Variants in KIF19 observed in about 807,000 individuals in gnomAD.
KIF19 encodes kinesin family member 19.
A neutral mutation model predicts 106.6 loss-of-function variants in KIF19; 98 were observed. The ratio of observed to expected loss-of-function variants is 0.92; its 90% CI spans 0.78 to 1.09. The LOEUF (loss-of-function observed/expected upper bound fraction) is 1.09. Ranked by LOEUF, KIF19 falls within the 50% of genes least tolerant of loss-of-function variation. The probability of loss-of-function intolerance (pLI) is 0.00; values close to 1 mark genes in which losing one functional copy is unlikely to be tolerated. For missense variants in KIF19, 1,373 were observed against 1,414.3 expected (o/e 0.97, Z 0.47); for synonymous variants, 516 against 584.2 (o/e 0.88, Z 1.68).
chr17:74,327,145 G>C (rs753005891), intron 1 of KIF19, among the ~76,000 whole-genome samples: 8 of 152,134 alleles, frequency 5.3e-5, no homozygotes, highest in Non-Finnish European at 1.0e-4. Flanking sequence ...CCTAATTTTT[G>C]AGGTCTGGGG....
chr17:74,341,570 T>C (rs1040647559), intron 2 of KIF19, among the ~76,000 whole-genome samples: 3 of 152,038 alleles, frequency 2.0e-5, no homozygotes, highest in African/African-American at 7.2e-5. Flanking sequence ...CAGGAAGGTG[T>C]CCCCTTTGGG....
intron 3 of KIF19, 46 bp from the exon 4 acceptor site, chr17:74,342,584 G>A (rs1178816090): frequency 5.4e-6 from 8 of 1,483,890 alleles, no homozygotes; most frequent in African/African-American, 4.1e-5. Context: ...TGCCTGTGCT[G>A]TGCCCCGCCT....
Position 74,344,354 on chromosome 17 carries a change from T to C in KIF19, c.582+6T>C. ...CCACCATCAATGCCAAGGAGGCGAG[T>C]TTTGTGTGGCCAGCCTGGAGCCGCT... is the stretch of plus-strand genomic sequence containing the variant. On this transcript the variant is annotated splice_donor_region_variant and intron_variant, in intron 6 of 19. Transcript: ENST00000389916. The C allele has an allele frequency of 6.2e-7, 1 of 1,610,816 alleles. No individual in the cohort carries two copies. Among genetic ancestry groups the C allele is most frequent in the Non-Finnish European group, 8.5e-7 (1 of 1,179,164 alleles).
Position 74,353,534 on chromosome 17 carries a change from C to T in KIF19, c.2261C>T (p.Ser754Phe), listed in dbSNP as rs369142622. The part of the protein sequence containing the change: ...QDSLGSWINS[S>F]PDSSENLSEI... ...AGCCTGGGCAGCTGGATCAACTCTT[C>T]CCCTGACAGCAGTGAGAACCTGTCG... Residue 754 changes from serine to phenylalanine, a missense_variant, in exon 17 of 20, where the codon TCC becomes TTC. Ser to Phe is a radical substitution (Grantham distance 155). Around this residue, in one of 3 missense-constraint regions of KIF19, gnomAD observed 1,020 missense variants for 1,008.2 expected, o/e 1.01. Coordinates refer to ENST00000389916, the MANE Select transcript of KIF19 (RefSeq NM_153209.4). The T allele has an allele frequency of 6.2e-7, 1 of 1,613,792 alleles. No individual in the cohort carries two copies. The highest frequency in any genetic ancestry group is 1.3e-5 in the African/African-American group (1 of 74,948).
intron 2 of KIF19, among the ~76,000 whole-genome samples, chr17:74,333,684 G>A (rs2054149811): frequency 1.3e-5 from 2 of 152,014 alleles, no homozygotes; most frequent in East Asian, 1.9e-4. Context: ...ACTTCATTAA[G>A]TGATACAACT....
rs1162412762 is a variant in KIF19 at position 74,353,183 on chromosome 17, C to G, written c.2115-13C>G. On this transcript the variant is annotated splice_polypyrimidine_tract_variant and intron_variant, in intron 15 of 19. Coordinates refer to ENST00000389916, the MANE Select transcript of KIF19 (RefSeq NM_153209.4). ...CTGGTCTACAGCCACTCATCTTCCT[C>G]TGCCAACTTCAGTGAAGGCCACCAC... 3 of 1,572,198 alleles carry G rather than the reference C, an allele frequency of 1.9e-6. No individual in the cohort carries two copies. In the South Asian group the frequency reaches 3.5e-5, roughly 18 times the overall value.
chr17:74,341,813 G>A (rs954346321), intron 2 of KIF19, 63 bp from the exon 3 acceptor site: 18 of 1,095,134 alleles, frequency 1.6e-5, no homozygotes, highest in African/African-American at 3.1e-5. Flanking sequence ...CTTCCTGAGG[G>A]TTGACCTCAT....
intron 2 of KIF19, among the ~76,000 whole-genome samples, chr17:74,332,585 C>T (rs2054124628): frequency 6.6e-6 from 1 of 152,164 alleles, no homozygotes; most frequent in Non-Finnish European, 1.5e-5. Flanking sequence ...CCTGCTGCCA[C>T]CCCCCTCTGC....
intron 9 of KIF19, 32 bp from the exon 10 acceptor site, chr17:74,349,152 C>T (rs1222693558): frequency 6.2e-7 from 1 of 1,612,508 alleles, no homozygotes; most frequent in South Asian, 1.1e-5. Flanking sequence ...GGGGTGACTG[C>T]ATCCCCTCCG....
At chr17:74,354,020 A>G in intron 17 of KIF19, 142 bp from the exon 18 acceptor site, 1 of 922,426 alleles carries the variant, frequency 1.1e-6, no homozygotes, top group Non-Finnish European at 1.6e-6. Context: ...AAATGGGCCC[A>G]AGTTTCTTAC....
Position 74,344,242 on chromosome 17 carries a change from G to C in KIF19, c.476G>C (p.Arg159Pro), listed in dbSNP as rs749729692. The C allele has an allele frequency of 1.9e-6, 3 of 1,612,394 alleles. No individual in the cohort carries two copies. The highest frequency in any genetic ancestry group is 2.7e-5 in the African/African-American group (2 of 74,854). ...SYLEIYNEMI[R>P]DLLNPSLGYL... ...CGTCAGATCTACAATGAGATGATCCGGGACCTGCTGAACCCCTCCCTGGGC... is the reference window on the plus strand; with the variant it reads ...CGTCAGATCTACAATGAGATGATCCCGGACCTGCTGAACCCCTCCCTGGGC... Residue 159 changes from arginine (R) to proline (P), a missense_variant, in exon 6 of 20, where the codon CGG becomes CCG. Arg to Pro is a moderately radical substitution (Grantham distance 103, BLOSUM62 -2). Transcript: ENST00000389916.
In KIF19 at chr17:74,347,833, CAGTGCCTTCGAGG is replaced by C; in HGVS notation, c.985_997del (p.Ala329ProfsTer5). 6.3e-7 allele frequency: 1 copy of C among 1,587,004 alleles called. No homozygotes were observed. The highest frequency in any genetic ancestry group is 1.2e-5 in the South Asian group (1 of 86,660). ...TGATCGCTCACATCAGTCCTGCGAGCAGTGCCTTCGAGGAGTCCCGGAACACCCTGACCTACGC... is the reference window on the plus strand; with the variant it reads ...TGATCGCTCACATCAGTCCTGCGAGCAGTCCCGGAACACCCTGACCTACGC... On this transcript the variant is annotated frameshift_variant, in exon 9 of 20. Coordinates refer to ENST00000389916, the MANE Select transcript of KIF19 (RefSeq NM_153209.4). LOFTEE classifies it high-confidence loss of function.
At position 74,354,448 on chromosome 17, in the gene KIF19, C is replaced by T; in HGVS notation, c.2595C>T (p.Pro865=). 1 of 1,610,334 alleles carries T rather than the reference C, an allele frequency of 6.2e-7. No homozygotes were observed. Among genetic ancestry groups the T allele is most frequent in the African/African-American group, 1.3e-5 (1 of 75,040 alleles). The part of the protein sequence containing the change: ...SRAVGHHGDG[P]RPWLRGQKKS... Reference sequence around the variant, plus strand: ...CAGTCGGACATCATGGGGACGGCCCCAGGCCCTGGCTGCGTGGCCAGAAGA... The same window carrying T: ...CAGTCGGACATCATGGGGACGGCCCTAGGCCCTGGCTGCGTGGCCAGAAGA... The change falls in exon 18 of 20, where the codon CCC becomes CCT. Residue 865 remains proline (P), a synonymous_variant. Coordinates refer to ENST00000389916, the MANE Select transcript of KIF19 (RefSeq NM_153209.4).
intron 2 of KIF19, among the ~76,000 whole-genome samples, chr17:74,335,779 G>A (rs191644538): frequency 1.3e-5 from 2 of 152,322 alleles, no homozygotes; most frequent in East Asian, 1.9e-4. Flanking sequence ...GTATGAGCAT[G>A]AGAATGCATT....
intron 2 of KIF19, among the ~76,000 whole-genome samples, chr17:74,338,855 C>T (rs991997262): frequency 6.6e-6 from 1 of 151,890 alleles, no homozygotes; most frequent in Admixed American, 6.6e-5. Context: ...CACAGCTCTG[C>T]TGCCTGCTGC....
At chr17:74,345,387 G>A (rs555923018) in intron 7 of KIF19, among the ~76,000 whole-genome samples, 3 of 152,152 alleles carry the variant, frequency 2.0e-5, no homozygotes, top group Non-Finnish European at 4.4e-5. Context: ...CTGACTGGGA[G>A]GACTTGACAC....
chr17:74,346,023 G>A lies in KIF19; in HGVS notation c.778-355G>A, dbSNP rs768643032. Among the ~76,000 whole-genome samples, 12 of 152,230 alleles carry A rather than the reference G, an allele frequency of 7.9e-5. No homozygotes were observed. Among genetic ancestry groups the A allele is most frequent in the Non-Finnish European group, 1.8e-4 (12 of 68,040 alleles). On this transcript the variant is annotated intron_variant, in intron 7 of 19. Transcript: ENST00000389916. This position sits in a 1 kb window ranked among gnomAD's most constrained non-coding sequence, Gnocchi z 4.6. ...CGCACTTTCCTCCTTGCTCCCTGGA[G>A]CACCCTCTGGAGCACCAGTGGTCCT...
chr17:74,342,977 T>TC, intron 4 of KIF19, 47 bp from the exon 5 acceptor site: 1 of 1,527,890 alleles, frequency 6.5e-7, no homozygotes, highest in Non-Finnish European at 8.8e-7. Flanking sequence ...CAGCAAGGCC[T>TC]CCCTCCCAGC....
Position 74,354,225 on chromosome 17 carries a change from G to T in KIF19, c.2372G>T (p.Arg791Leu). 6.2e-7 allele frequency: 1 copy of T among 1,608,896 alleles called. No homozygotes were observed. The change falls in exon 18 of 20, where the codon CGG becomes CTG. Residue 791 changes from arginine to leucine, a missense_variant. Transcript: ENST00000389916. Reference protein sequence around the residue: ...IWVKAARRRSRALGTEGRHLL... With the variant: ...IWVKAARRRSLALGTEGRHLL... ...GTGAAGGCCGCCCGGCGGCGCTCGC[G>T]GGCCCTGGGAACCGAGGGGCGACAC...
Sources: allele counts gnomAD v4.1 joint callset (sites outside exome capture counted in the v4.1 genomes callset), GRCh38; gene constraint gnomAD v4.1.1; regional missense constraint gnomAD v4.1.1; non-coding constraint Gnocchi (gnomAD v3.1); transcripts MANE v1.5; gene names NCBI Gene and HGNC (gene_info 2026-07-23, HGNC 2026-07-21).